The following SRGAP1 variants were observed in gnomAD, a reference collection of about 807,000 sequenced individuals.
SRGAP1 encodes SLIT-ROBO Rho GTPase-activating protein 1.
In SRGAP1, 43 loss-of-function variants were observed where a neutral mutation model predicts 121.9. The observed-to-expected ratio is 0.35, with a 90% CI of 0.28 to 0.46. The LOEUF is 0.46. Ranked by LOEUF, SRGAP1 falls within the 20% of genes least tolerant of loss-of-function variation. The pLI, the probability that SRGAP1 is intolerant of heterozygous loss-of-function variation, is 1.00. For synonymous variants in SRGAP1, 447 were observed against 485.4 expected, an observed-to-expected ratio of 0.92 and a Z score of 1.04; for missense variants, 1,102 against 1,350.9, an observed-to-expected ratio of 0.82 and a Z score of 2.89.
chr12:64,116,293 T>G (rs2036522350), intron 18 of SRGAP1, among the ~76,000 whole-genome samples: 1 of 149,088 alleles, frequency 6.7e-6, no homozygotes, highest in Admixed American at 6.7e-5. Flanking sequence ...TAAAAAAAAT[T>G]CATAAAATAT....
chr12:63,992,785 T>C (rs2033592019), intron 3 of SRGAP1, among the ~76,000 whole-genome samples: 1 of 152,066 alleles, frequency 6.6e-6, no homozygotes, highest in African/African-American at 2.4e-5. Context: ...AGGAGTTCTC[T>C]TCTTATCCAG....
At chr12:63,932,783 G>A (rs1001302277) in intron 1 of SRGAP1, among the ~76,000 whole-genome samples, 6 of 152,306 alleles carry the variant, frequency 3.9e-5, no homozygotes, top group African/African-American at 1.2e-4. Context: ...AGGAGACTGC[G>A]TTCTTTGCCC....
At chr12:63,864,157 ATCT>A (rs1248716504) in intron 1 of SRGAP1, among the ~76,000 whole-genome samples, 5 of 152,326 alleles carry the variant, frequency 3.3e-5, no homozygotes, top group South Asian at 2.1e-4. Context: ...ATGAATAAGC[ATCT>A]TCTTTGAAGA....
chr12:63,856,106 A>G (rs1899239114), intron 1 of SRGAP1, among the ~76,000 whole-genome samples: 1 of 151,968 alleles, frequency 6.6e-6, no homozygotes, highest in Admixed American at 6.6e-5. Context: ...AAAAATACAA[A>G]AATTAGCTGG....
chr12:64,045,833 G>T (rs1386393413), intron 6 of SRGAP1, among the ~76,000 whole-genome samples: 1 of 152,184 alleles, frequency 6.6e-6, no homozygotes, highest in Non-Finnish European at 1.5e-5. Flanking sequence ...CTGACAATGG[G>T]AATCCAGCAG....
intron 1 of SRGAP1, among the ~76,000 whole-genome samples, chr12:63,907,694 A>T (rs1167455097): frequency 6.6e-6 from 1 of 151,980 alleles, no homozygotes; most frequent in Non-Finnish European, 1.5e-5. Flanking sequence ...TGCTCTCTTG[A>T]TGGTGTCCTA....
chr12:63,866,142 A>T (rs1198649960), intron 1 of SRGAP1, among the ~76,000 whole-genome samples: 1 of 152,224 alleles, frequency 6.6e-6, no homozygotes, highest in Non-Finnish European at 1.5e-5. Context: ...CTGAATGACC[A>T]TAGAATCGTC....
intron 1 of SRGAP1, among the ~76,000 whole-genome samples, chr12:63,880,020 C>T (rs1338623433): frequency 6.6e-6 from 1 of 152,048 alleles, no homozygotes; most frequent in Non-Finnish European, 1.5e-5. Context: ...TGGGAGGGAC[C>T]TGGGGAAGGT....
chr12:64,060,991 G>T (rs1383444650), intron 6 of SRGAP1, among the ~76,000 whole-genome samples: 2 of 152,116 alleles, frequency 1.3e-5, no homozygotes, highest in Non-Finnish European at 2.9e-5. Flanking sequence ...GAACAATATA[G>T]GGAAAGGACC....
chr12:64,024,028 C>T (rs959096751), intron 4 of SRGAP1, among the ~76,000 whole-genome samples: 2 of 152,206 alleles, frequency 1.3e-5, no homozygotes, highest in Non-Finnish European at 2.9e-5. Flanking sequence ...ATCAGTAAAA[C>T]TCTCACACTT....
intron 4 of SRGAP1, among the ~76,000 whole-genome samples, chr12:64,018,326 T>C (rs2034462426): frequency 6.6e-6 from 1 of 152,130 alleles, no homozygotes; most frequent in South Asian, 2.1e-4. Flanking sequence ...CCTGGCCTCA[T>C]GTGATCCGCC....
At chr12:63,908,952 G>A (rs541048525) in intron 1 of SRGAP1, among the ~76,000 whole-genome samples, 2 of 151,676 alleles carry the variant, frequency 1.3e-5, no homozygotes, top group South Asian at 2.1e-4. Context: ...GTGCAGTGGC[G>A]CCATCTTGGC....
At chr12:63,908,234 T>G in intron 1 of SRGAP1, among the ~76,000 whole-genome samples, 1 of 152,184 alleles carries the variant, frequency 6.6e-6, no homozygotes, top group East Asian at 1.9e-4. Context: ...CTGTCAGTAT[T>G]TGCAGAAATT....
At chr12:63,949,466 C>T (rs2032217286) in intron 1 of SRGAP1, among the ~76,000 whole-genome samples, 1 of 148,518 alleles carries the variant, frequency 6.7e-6, no homozygotes, top group Non-Finnish European at 1.5e-5. Flanking sequence ...CTCGCTCTGT[C>T]ACCCAGGCTA....
intron 6 of SRGAP1, among the ~76,000 whole-genome samples, chr12:64,048,310 T>C (rs2035174291): frequency 6.6e-6 from 1 of 152,170 alleles, no homozygotes; most frequent in Non-Finnish European, 1.5e-5. Flanking sequence ...GTTCCACCCA[T>C]GTTGTTGCAA....
chr12:64,072,211 T>C (rs1215127178), intron 8 of SRGAP1, among the ~76,000 whole-genome samples: 2 of 148,368 alleles, frequency 1.3e-5, no homozygotes, highest in Non-Finnish European at 3.0e-5. Flanking sequence ...AGTGCTGTAA[T>C]TGAAATACAT....
At chr12:64,041,309 C>T (rs975213715) in intron 4 of SRGAP1, among the ~76,000 whole-genome samples, 3 of 151,880 alleles carry the variant, frequency 2.0e-5, no homozygotes, top group South Asian at 2.1e-4. Flanking sequence ...AAATTACAAA[C>T]GTAGGATGAT....
intron 1 of SRGAP1, among the ~76,000 whole-genome samples, chr12:63,907,599 A>G (rs1020799330): frequency 3.9e-5 from 6 of 152,118 alleles, no homozygotes; most frequent in Non-Finnish European, 8.8e-5. Context: ...TTGAGTTGTA[A>G]GAGTTCTTTA....
intron 1 of SRGAP1, among the ~76,000 whole-genome samples, chr12:63,905,440 A>G (rs2030154204): frequency 6.6e-6 from 1 of 152,212 alleles, no homozygotes; most frequent in African/African-American, 2.4e-5. Flanking sequence ...TCTGAACTGC[A>G]GTAAAGGACG....
Sources: gnomAD v4.1 joint callset for allele counts (sites outside exome capture counted in the v4.1 genomes callset) on GRCh38, gnomAD v4.1.1 for gene constraint, MANE v1.5 for transcripts, NCBI Gene and HGNC (gene_info 2026-07-23, HGNC 2026-07-21) for gene names.